The following TTN variants were observed in gnomAD, a reference collection of about 807,000 sequenced individuals.
TTN encodes titin.
A neutral mutation model predicts 3,223.0 loss-of-function variants in TTN; 1,525 were observed. The observed-to-expected ratio is 0.47, with a 90% confidence interval of 0.45 to 0.49. The LOEUF (loss-of-function observed/expected upper bound fraction) is 0.49, where lower values mean the gene tolerates loss of function less well. Ranked by LOEUF, TTN falls within the 20% of genes least tolerant of loss-of-function variation. The pLI is 0.00. For synonymous variants in TTN, 14,094 were observed against 15,161.0 expected (o/e 0.93, Z 5.17); for missense variants, 40,786 against 43,424.0 (o/e 0.94, Z 5.40).
rs2049247544 is a variant in TTN at position 178,587,348 on chromosome 2, G to T, written c.63863C>A (p.Ala21288Asp). Residue 21288 changes from alanine to aspartate, a missense_variant, in exon 307 of 363, where the codon GCC becomes GAC. Transcript: ENST00000589042. ...GCTCCCACCGTCGTTTTCAGGAGGG[G>T]CCCAGGACACATGGCATGATGTTTT... Reference protein sequence around the residue: ...VTKTSCHVSWAPPENDGGSQV... With the variant: ...VTKTSCHVSWDPPENDGGSQV... 3 of 1,612,478 alleles carry T rather than the reference G, an allele frequency of 1.9e-6. No homozygotes were observed. The highest frequency in any genetic ancestry group is 2.5e-6 in the Non-Finnish European group (3 of 1,179,274).
rs1196708589 is a variant in TTN, at chr2:178,621,897, C to G, written c.45025G>C (p.Ala15009Pro). ...VINKCLLDDE[A>P]EYSCEVRTAR... ...GTCCTTACTTCACAGGAATATTCAGCTTCATCATCCAGTAGACATTTGTTG... is the reference window on the plus strand; with the variant it reads ...GTCCTTACTTCACAGGAATATTCAGGTTCATCATCCAGTAGACATTTGTTG... Residue 15009 changes from alanine to proline, a missense_variant, in exon 244 of 363, where the codon GCT (alanine) becomes CCT (proline). By Grantham distance (27) the Ala-to-Pro change is conservative. Transcript: ENST00000589042. The G allele has an allele frequency of 6.2e-7, 1 of 1,612,118 alleles. No homozygotes were observed. Among genetic ancestry groups the G allele is most frequent in the African/African-American group, 1.3e-5 (1 of 74,810 alleles).
At chr2:178,800,010 A>G (rs945023903) in intron 4 of TTN, 100 bp from the exon 5 acceptor site, 2 of 1,316,362 alleles carry the variant, frequency 1.5e-6, no homozygotes, top group Admixed American at 4.0e-5. Context: ...GATTTTCTGG[A>G]TATCCCAATG....
chr2:178,623,356 G>GCTTTAGTACAAAAGCAATTGTACTAAATT lies in TTN; in HGVS notation c.44816-590_44816-589insAATTTAGTACAATTGCTTTTGTACTAAAG, dbSNP rs1366520582. On this transcript the variant is annotated intron_variant, in intron 242 of 362. Coordinates refer to ENST00000589042, the MANE Select transcript of TTN (RefSeq NM_001267550.2). ...TGCAATAAAGCAATGTGTTTTGTATGGGAGGGTGATTAGGATTTTACATCT... is the reference window on the plus strand; with the variant it reads ...TGCAATAAAGCAATGTGTTTTGTATGCTTTAGTACAAAAGCAATTGTACTAAATTGGAGGGTGATTAGGATTTTACATCT... Among the ~76,000 whole-genome samples, 605 of 151,954 alleles carry GCTTTAGTACAAAAGCAATTGTACTAAATT rather than the reference G, an allele frequency of 4.0e-3. 8 individuals carry two copies. Among genetic ancestry groups the GCTTTAGTACAAAAGCAATTGTACTAAATT allele is most frequent in the East Asian group, 0.03 (152 of 5,122 alleles).
At position 178,618,020 on chromosome 2, in the gene TTN, C is replaced by G; in HGVS notation, c.47331G>C (p.Leu15777=). Residue 15777 remains leucine, a synonymous_variant, in exon 253 of 363, where the codon CTG becomes CTC. Coordinates refer to ENST00000589042, the MANE Select transcript of TTN (RefSeq NM_001267550.2). ...ITDVNRFGVS[L]TWEPPEYDGG... ...CATCATACTCTGGTGGTTCCCATGT[C>G]AGTGAGACACCAAATCGATTCACAT... The G allele has an allele frequency of 6.2e-7, 1 of 1,612,460 alleles. No homozygotes were observed. Among genetic ancestry groups the G allele is most frequent in the Non-Finnish European group, 8.5e-7 (1 of 1,179,102 alleles).
chr2:178,782,238 A>C lies in TTN; in HGVS notation c.3354T>G (p.Ser1118=), dbSNP rs1279065725. 6.2e-7 allele frequency: 1 copy of C among 1,614,000 alleles called. No individual in the cohort carries two copies. Among genetic ancestry groups the C allele is most frequent in the East Asian group, 2.2e-5 (1 of 44,880 alleles). Residue 1118 remains serine (S), a synonymous_variant, in exon 20 of 363, where the codon TCT becomes TCG. Coordinates refer to ENST00000589042, the MANE Select transcript of TTN (RefSeq NM_001267550.2). The part of the protein sequence containing the change: ...NPKPHVYWKK[S]GVPLTTGYRY... The stretch of plus-strand genomic sequence containing the variant: ...TGTATCCAGTGGTTAGAGGAACACC[A>C]GATTTTTTCCAGTATACATGGGGCT...
At position 178,717,345 on chromosome 2, in the gene TTN, T is replaced by TA; in HGVS notation, c.25388dup (p.Ser8464IlefsTer13). On this transcript the variant is annotated frameshift_variant, in exon 88 of 363. Transcript: ENST00000589042. LOFTEE classifies it high-confidence loss of function. ...TTTCTCCAAGAGCAAGATCTACTGA[T>TA]ACAGGCTTTAGATCAAAGAAAGGAG... The TA allele has an allele frequency of 1.2e-6, 2 of 1,613,034 alleles. No individual in the cohort carries two copies. The highest frequency in any genetic ancestry group is 1.1e-5 in the South Asian group (1 of 91,020).
rs199860952 is a variant in TTN, at chr2:178,573,308, T to A, written c.72824A>T (p.Lys24275Ile). 199 of 1,576,360 alleles carry A rather than the reference T, an allele frequency of 1.3e-4. No individual in the cohort carries two copies. Among genetic ancestry groups the A allele is most frequent in the Non-Finnish European group, 1.6e-4 (191 of 1,161,474 alleles). ...TTTATATCTTAAATCAGTAAGAGTT[T>A]TTTTGTTGCATTTAATCCAGCGTTG... ...AGQRWIKCNK[K>I]TLTDLRYKVS... is the part of the protein sequence containing the mutation. The change falls in exon 326 of 363, where the codon AAA (lysine) becomes ATA (isoleucine). Residue 24275 changes from lysine to isoleucine, a missense_variant. By Grantham distance (102) the Lys-to-Ile change is moderately radical. Coordinates refer to ENST00000589042, the MANE Select transcript of TTN (RefSeq NM_001267550.2).
rs1391236798 is a variant in TTN, at chr2:178,531,218, T to C, written c.105397A>G (p.Thr35133Ala). The C allele has an allele frequency of 6.2e-7, 1 of 1,613,870 alleles. No individual in the cohort carries two copies. Among genetic ancestry groups the C allele is most frequent in the Non-Finnish European group, 8.5e-7 (1 of 1,179,856 alleles). The change falls in exon 358 of 363, where the codon ACA (threonine) becomes GCA (alanine). Residue 35133 changes from threonine to alanine, a missense_variant. Thr to Ala is a moderately conservative substitution (Grantham distance 58, BLOSUM62 0). Transcript: ENST00000589042. ...IKTTLAARIL[T>A]KPRSMTVYEG... is the part of the protein sequence containing the mutation. ...TAGACGGTCATGGACCGTGGCTTTG[T>C]TAGAATTCTTGCTGCCAAAGTCGTC...
At chr2:178,679,800 T>G in intron 140 of TTN, 94 bp downstream of exon 140, 1 of 1,555,924 alleles carries the variant, frequency 6.4e-7, no homozygotes, top group Non-Finnish European at 8.7e-7. Flanking sequence ...TAAGCAATCA[T>G]TGGTGCTGCC....
chr2:178,533,428 C>T lies in TTN; in HGVS notation c.103187G>A (p.Trp34396Ter). 6.2e-7 allele frequency: 1 copy of T among 1,613,880 alleles called. No individual in the cohort carries two copies. The highest frequency in any genetic ancestry group is 8.5e-7 in the Non-Finnish European group (1 of 1,179,844). ...GGACAGTGGCTGACCATCTTTCTCC[C>T]ATTTTAATGTTGGTGGGGGGATGCC... Reference protein sequence around the residue: ...VSGIPPPTLKWEKDGQPLSLG... With the variant: ...VSGIPPPTLK The change falls in exon 358 of 363, where the codon TGG becomes TAG. Residue 34396 changes from tryptophan (W) to a stop codon, truncating the protein, a stop_gained. Transcript: ENST00000589042. LOFTEE classifies it high-confidence loss of function.
intron 278 of TTN, 119 bp downstream of exon 278, chr2:178,606,902 T>G: frequency 1.8e-6 from 2 of 1,130,392 alleles, no homozygotes; most frequent in Non-Finnish European, 2.5e-6. Context: ...TTACTTTTCT[T>G]ATTACTCTTT....
Position 178,552,389 on chromosome 2 carries a change from G to T in TTN, c.90511C>A (p.Pro30171Thr). Reference sequence around the variant, plus strand: ...CGAACAAATTCACTTTCTTTCAGTGGCAAGCCATCTTTCAGCCAACTGATG... The same window carrying T: ...CGAACAAATTCACTTTCTTTCAGTGTCAAGCCATCTTTCAGCCAACTGATG... ...PSISWLKDGL[P>T]LKESEFVRFS... The change falls in exon 335 of 363, where the codon CCA (proline) becomes ACA (threonine). Residue 30171 changes from proline to threonine, a missense_variant. By Grantham distance (38) the Pro-to-Thr change is conservative. Coordinates refer to ENST00000589042, the MANE Select transcript of TTN (RefSeq NM_001267550.2). 6.3e-7 allele frequency: 1 copy of T among 1,590,752 alleles called. No homozygotes were observed. Among genetic ancestry groups the T allele is most frequent in the Non-Finnish European group, 8.6e-7 (1 of 1,166,422 alleles).
At chr2:178,671,631 C>G (rs529058772) in intron 155 of TTN, among the ~76,000 whole-genome samples, 1 of 151,760 alleles carries the variant, frequency 6.6e-6, no homozygotes, top group Admixed American at 6.6e-5. Context: ...ATGTAAATTC[C>G]TCAGTGAACT....
chr2:178,693,698 A>T lies in TTN; in HGVS notation c.31514-9T>A, dbSNP rs2073018188. ...CTTTTGTACCTCGGGGACTTAAAAAAATGTACATTTTAATTACTGATATGC... is the reference window on the plus strand; with the variant it reads ...CTTTTGTACCTCGGGGACTTAAAAATATGTACATTTTAATTACTGATATGC... On this transcript the variant is annotated splice_polypyrimidine_tract_variant and intron_variant, in intron 118 of 362. Transcript: ENST00000589042. 3 of 1,584,820 alleles carry T rather than the reference A, an allele frequency of 1.9e-6. No homozygotes were observed. In the Admixed American group the frequency reaches 5.2e-5, roughly 27 times the overall value.
At chr2:178,709,269 C>T (rs1459377277) in intron 99 of TTN, among the ~76,000 whole-genome samples, 1 of 152,122 alleles carries the variant, frequency 6.6e-6, no homozygotes, top group African/African-American at 2.4e-5. Context: ...ATATATGTCA[C>T]ATATGCACAC....
In TTN at chr2:178,756,550, T is replaced by C; in HGVS notation, c.10926A>G (p.Ala3642=). ...ATTCCTTAGATAGCTCAGTGCTTTC[T>C]GCAATTTGTGAAAGGGATGCAGTAT... ...LCHTASLSQI[A]ESTELSKECA... is the part of the protein sequence containing the mutation. The change falls in exon 46 of 363, where the codon GCA becomes GCG. Residue 3642 remains alanine, a synonymous_variant. Coordinates refer to ENST00000589042, the MANE Select transcript of TTN (RefSeq NM_001267550.2). The C allele has an allele frequency of 6.2e-7, 1 of 1,611,708 alleles. No homozygotes were observed. The highest frequency in any genetic ancestry group is 8.5e-7 in the Non-Finnish European group (1 of 1,178,264).
At position 178,696,025 on chromosome 2, in the gene TTN, C is replaced by G; in HGVS notation, c.31047G>C (p.Lys10349Asn). The G allele has an allele frequency of 6.5e-7, 1 of 1,550,364 alleles. No homozygotes were observed. Residue 10349 changes from lysine (K) to asparagine (N), a missense_variant, in exon 114 of 363, where the codon AAG (lysine) becomes AAC (asparagine). By Grantham distance (94) the Lys-to-Asn change is moderately conservative. Coordinates refer to ENST00000589042, the MANE Select transcript of TTN (RefSeq NM_001267550.2). ...CGTGAACTTCTTTTTTAGCTTCTAC[C>G]TTAATCTCTTCATAGTCTTCATCTG... is the stretch of plus-strand genomic sequence containing the variant. Reference protein sequence around the residue: ...EEPDEDYEEIKVEAKKEVHEE... With the variant: ...EEPDEDYEEINVEAKKEVHEE...
In TTN at chr2:178,756,359, A is replaced by G. The variant is rs748468365; in HGVS notation, c.11117T>C (p.Leu3706Pro). 6.2e-6 allele frequency: 10 copies of G among 1,613,760 alleles called. No homozygotes were observed. In the African/African-American group the frequency reaches 1.1e-4, roughly 17 times the overall value. The part of the protein sequence containing the change: ...EGAKIEESER[L>P]KQSQNGNIQF... ...AATATTTCCATTTTGTGATTGTTTC[A>G]GTCTCTCGGATTCCTCTATCTTTGC... is the stretch of plus-strand genomic sequence containing the variant. Residue 3706 changes from leucine to proline, a missense_variant, in exon 46 of 363, where the codon CTG becomes CCG. By Grantham distance (98) the Leu-to-Pro change is moderately conservative. Transcript: ENST00000589042.
Position 178,594,237 on chromosome 2 carries a change from G to C in TTN, c.58156C>G (p.Pro19386Ala), listed in dbSNP as rs548374365. The change falls in exon 297 of 363, where the codon CCA becomes GCA. Residue 19386 changes from proline to alanine, a missense_variant. Transcript: ENST00000589042. ...TCTCTGAAGTCGAGGTGAAGCGTTGGGGGTGCTAAAATTTGTAATTATAAA... is the reference window on the plus strand; with the variant it reads ...TCTCTGAAGTCGAGGTGAAGCGTTGCGGGTGCTAAAATTTGTAATTATAAA... ...PITCKDELAPPTLHLDFRDKL... is the reference protein window; with the variant it reads ...PITCKDELAPATLHLDFRDKL... 13 of 1,605,660 alleles carry C rather than the reference G, an allele frequency of 8.1e-6. No individual in the cohort carries two copies. The highest frequency in any genetic ancestry group is 1.1e-5 in the Non-Finnish European group (13 of 1,177,940).
Sources: gnomAD v4.1 joint callset for allele counts (sites outside exome capture counted in the v4.1 genomes callset) on GRCh38, gnomAD v4.1.1 for gene constraint, MANE v1.5 for transcripts, NCBI Gene and HGNC (gene_info 2026-07-23, HGNC 2026-07-21) for gene names.